The following ANK1 variants were observed in gnomAD, a reference collection of about 807,000 sequenced individuals.
The protein encoded by ANK1 is ankyrin-1.
A neutral mutation model predicts 210.4 loss-of-function variants in ANK1; 51 were observed. The observed-to-expected ratio is 0.24, with a 90% CI of 0.19 to 0.31. The LOEUF (loss-of-function observed/expected upper bound fraction) is 0.31, where lower values mean the gene tolerates loss of function less well. Ranked by LOEUF, ANK1 falls within the 10% of genes least tolerant of loss-of-function variation. The probability of loss-of-function intolerance (pLI) is 1.00; values close to 1 mark genes in which losing one functional copy is unlikely to be tolerated. For synonymous variants in ANK1, 967 were observed against 1,025.9 expected, an observed-to-expected ratio of 0.94 and a Z score of 1.10; for missense variants, 2,051 against 2,504.4, an observed-to-expected ratio of 0.82 and a Z score of 3.86.
chr8:41,692,632 G>A lies in ANK1; in HGVS notation c.3858+16C>T. The A allele has an allele frequency of 1.9e-6, 3 of 1,608,788 alleles. No homozygotes were observed. The highest frequency in any genetic ancestry group is 2.5e-6 in the Non-Finnish European group (3 of 1,176,756). Reference sequence around the variant, plus strand: ...ACGGTTTGTCCCAGAGGCGGTGCAGGGCCCAGCCCTGTTACCTCTATGTCC... The same window carrying A: ...ACGGTTTGTCCCAGAGGCGGTGCAGAGCCCAGCCCTGTTACCTCTATGTCC... On this transcript the variant is annotated intron_variant, in intron 31 of 42. Coordinates refer to ENST00000289734, the MANE Select transcript of ANK1 (RefSeq NM_000037.4).
chr8:41,856,899 T>TTTTTTTA (rs1812287389), intron 1 of ANK1, among the ~76,000 whole-genome samples: 1 of 96,088 alleles, frequency 1.0e-5, no homozygotes, highest in African/African-American at 4.8e-5. Flanking sequence ...TTTTTTTTTT[T>TTTTTTTA]GAGACAGGGA....
intron 10 of ANK1, among the ~76,000 whole-genome samples, chr8:41,719,142 C>T (rs1828543622): frequency 6.6e-6 from 1 of 152,162 alleles, no homozygotes; most frequent in Admixed American, 6.5e-5. Flanking sequence ...TCCCTGGGAG[C>T]CCCTGTCCTG....
chr8:41,687,558 C>A (rs11780566), intron 35 of ANK1, among the ~76,000 whole-genome samples: 2 of 152,114 alleles, frequency 1.3e-5, no homozygotes, highest in Admixed American at 6.5e-5. Flanking sequence ...CTTAACAGCC[C>A]GAGCCCTGAA....
chr8:41,699,525 C>T lies in ANK1; in HGVS notation c.2485G>A (p.Ala829Thr). The T allele has an allele frequency of 6.2e-7, 1 of 1,614,168 alleles. No individual in the cohort carries two copies. Among genetic ancestry groups the T allele is most frequent in the Non-Finnish European group, 8.5e-7 (1 of 1,180,036 alleles). Residue 829 changes from alanine to threonine, a missense_variant, in exon 23 of 43, where the codon GCT (alanine) becomes ACT (threonine). Around this residue, in one of 6 missense-constraint regions of ANK1, gnomAD observed 1,413 missense variants for 1,707.4 expected, o/e 0.83. Transcript: ENST00000289734. ...ACATCCCTGGAATCCCGCCTCTCAG[C>T]CTTGAAGCTGATGAGTTCTTCCCCT... ...DEGEELISFK[A>T]ERRDSRDVDE...
In ANK1 at chr8:41,660,495, T is replaced by C. The variant is rs1461093579; in HGVS notation, c.*36+935A>G. 1.1e-5 allele frequency: 5 copies of C among 462,240 alleles called. No individual in the cohort carries two copies. The East Asian group carries it at 3.5e-4, about 32-fold the overall frequency. 28.6% of individuals were successfully genotyped at this position (462,240 alleles called of 1,614,324 possible). A position where few individuals can be genotyped will look rare whatever the true frequency, so the allele number is the denominator to read the frequency against. On this transcript the variant is annotated intron_variant, in intron 42 of 42. Transcript: ENST00000289734. ...GCAGCATGAAGGGCCTCGGGGCAGC[T>C]CAGTACAGGATGCCCCAGGGAGGAT... is the stretch of plus-strand genomic sequence containing the variant.
intron 37 of ANK1, among the ~76,000 whole-genome samples, chr8:41,673,794 C>A (rs902342709): frequency 1.3e-5 from 2 of 152,176 alleles, no homozygotes; most frequent in African/African-American, 4.8e-5. Context: ...AGAGCAGGTG[C>A]CTCTGTGGGT....
chr8:41,876,244 C>CGGCACCCTGGCACCCT (rs528905341), intron 1 of ANK1, among the ~76,000 whole-genome samples: 1 of 152,174 alleles, frequency 6.6e-6, no homozygotes, highest in African/African-American at 2.4e-5. Flanking sequence ...GCTCCAGCCG[C>CGGCACCCTGGCACCCT]GGCACCCTGG....
intron 1 of ANK1, among the ~76,000 whole-genome samples, chr8:41,808,355 A>G (rs1587118691): frequency 6.6e-6 from 1 of 152,110 alleles, no homozygotes; most frequent in South Asian, 2.1e-4. Flanking sequence ...AGGCCATGGA[A>G]CCTGGGACAT....
intron 37 of ANK1, 118 bp downstream of exon 37, chr8:41,684,426 A>G (rs1211153339): frequency 6.7e-7 from 1 of 1,497,902 alleles, no homozygotes; most frequent in Admixed American, 1.7e-5. Flanking sequence ...CAGACCTCCC[A>G]CCAATGGGAG....
At chr8:41,803,882 TAATG>T (rs1219079288) in intron 1 of ANK1, among the ~76,000 whole-genome samples, 3 of 152,202 alleles carry the variant, frequency 2.0e-5, no homozygotes, top group Non-Finnish European at 4.4e-5. Flanking sequence ...TTCTTGGTCG[TAATG>T]AATTACTTGT....
chr8:41,746,768 C>T (rs769223502), intron 2 of ANK1, among the ~76,000 whole-genome samples: 1 of 151,224 alleles, frequency 6.6e-6, no homozygotes, highest in Non-Finnish European at 1.5e-5. Flanking sequence ...AGTGTGAGCT[C>T]GAGTTAATGA....
At chr8:41,779,122 C>T (rs565918794) in intron 1 of ANK1, among the ~76,000 whole-genome samples, 6 of 152,286 alleles carry the variant, frequency 3.9e-5, no homozygotes, top group Admixed American at 3.9e-4. Context: ...AGCACCTGGA[C>T]ATGCCCAGGC....
chr8:41,877,172 C>T (rs1816752847), intron 1 of ANK1, among the ~76,000 whole-genome samples: 1 of 152,204 alleles, frequency 6.6e-6, no homozygotes, highest in Non-Finnish European at 1.5e-5. Flanking sequence ...AACTTCCACA[C>T]TGTCATAGAA....
At chr8:41,749,177 A>C (rs1837012676) in intron 2 of ANK1, among the ~76,000 whole-genome samples, 1 of 152,210 alleles carries the variant, frequency 6.6e-6, no homozygotes, top group Non-Finnish European at 1.5e-5. Context: ...CTTTGAAAAC[A>C]GGGCACGAAT....
intron 1 of ANK1, among the ~76,000 whole-genome samples, chr8:41,780,625 G>T (rs1477504345): frequency 6.6e-6 from 1 of 152,252 alleles, no homozygotes. Flanking sequence ...GGCCTTGGCA[G>T]CGCTGGCCGC....
intron 3 of ANK1, among the ~76,000 whole-genome samples, chr8:41,729,044 C>A (rs1372190684): frequency 6.6e-6 from 1 of 151,952 alleles, no homozygotes; most frequent in Non-Finnish European, 1.5e-5. Context: ...TGCAGTGGAG[C>A]GGACAAAGAG....
intron 1 of ANK1, among the ~76,000 whole-genome samples, chr8:41,772,317 G>A (rs13263404): frequency 0.1 from 15,759 of 152,236 alleles, 904 homozygotes; most frequent in South Asian, 0.14. Flanking sequence ...CATCAGTAAA[G>A]TGAAAATAGC....
At chr8:41,681,676 G>T (rs757792881) in intron 37 of ANK1, among the ~76,000 whole-genome samples, 1 of 149,126 alleles carries the variant, frequency 6.7e-6, no homozygotes, top group East Asian at 1.9e-4. Flanking sequence ...TGGGCACCAG[G>T]TCAGGCCATC....
intron 37 of ANK1, among the ~76,000 whole-genome samples, chr8:41,683,515 G>A (rs1471249144): frequency 3.9e-5 from 6 of 152,228 alleles, no homozygotes; most frequent in Admixed American, 6.5e-5. Flanking sequence ...CAGCCTGGGC[G>A]TGGCGGGGAT....
Sources: gnomAD v4.1 joint callset for allele counts (sites outside exome capture counted in the v4.1 genomes callset) on GRCh38, gnomAD v4.1.1 for gene constraint, gnomAD v4.1.1 regional missense constraint, MANE v1.5 for transcripts, NCBI Gene and HGNC (gene_info 2026-07-23, HGNC 2026-07-21) for gene names.